TNR: variants seen among roughly 807,000 people sequenced by gnomAD.
TNR encodes tenascin-R.
In TNR, 45 loss-of-function variants were observed where a neutral mutation model predicts 150.4. That is an observed-to-expected ratio of 0.30 (90% confidence interval 0.24 to 0.38). The LOEUF is 0.38. Among genes scored for constraint, TNR ranks in the 10% least tolerant of loss-of-function variants. The pLI, the probability that TNR is intolerant of heterozygous loss-of-function variation, is 1.00. For missense variants in TNR, 1,544 were observed against 1,759.1 expected, an observed-to-expected ratio of 0.88 and a Z score of 2.19; for synonymous variants, 687 against 678.4, an observed-to-expected ratio of 1.01 and a Z score of -0.20.
intron 2 of TNR, among the ~76,000 whole-genome samples, chr1:175,495,047 A>G (rs1658427212): frequency 6.6e-6 from 1 of 152,120 alleles, no homozygotes. Context: ...GCACGGCTGC[A>G]TTCATTCATT....
At chr1:175,721,169 A>C (rs1024871115) in intron 1 of TNR, among the ~76,000 whole-genome samples, 1 of 152,162 alleles carries the variant, frequency 6.6e-6, no homozygotes, top group Non-Finnish European at 1.5e-5. Flanking sequence ...GGTGCTTCCT[A>C]ACTGCCCTCA....
At chr1:175,402,255 C>A (rs371776800) in intron 4 of TNR, among the ~76,000 whole-genome samples, 15 of 125,092 alleles carry the variant, frequency 1.2e-4, no homozygotes, top group African/African-American at 4.4e-4. Flanking sequence ...TGCAGTGAGC[C>A]GAGATTGCGC....
intron 1 of TNR, among the ~76,000 whole-genome samples, chr1:175,578,987 C>G (rs1035804868): frequency 6.6e-6 from 1 of 152,150 alleles, no homozygotes; most frequent in Non-Finnish European, 1.5e-5. Flanking sequence ...TTGCCTTGGC[C>G]ACAGTGCTAC....
rs1557858553 is a variant in TNR at position 175,315,811 on chromosome 1, C to CAT, written c.*7544_*7545dup. On this transcript the variant is annotated 3_prime_UTR_variant, in exon 23 of 23. Transcript: ENST00000367674. ...ATGTGTGCATGCATGTGTGTGTGTG[C>CAT]ATGTGTGTGTGTGTGTGTGTGTGTG... 1 of 89,098 alleles carries CAT rather than the reference C, an allele frequency of 1.1e-5. No individual in the cohort carries two copies. Among genetic ancestry groups the CAT allele is most frequent in the Non-Finnish European group, 2.2e-5 (1 of 45,262 alleles). The allele number at this position is 89,098 out of a possible 1,614,324, so 5.5% of individuals were successfully genotyped here.
intron 3 of TNR, 133 bp from the exon 4 acceptor site, chr1:175,403,749 G>C: frequency 1.4e-6 from 1 of 737,872 alleles, no homozygotes; most frequent in Non-Finnish European, 2.3e-6. Context: ...GCTCAACGTA[G>C]TTTGGTACAT....
At chr1:175,542,519 C>T (rs1251247432) in intron 1 of TNR, among the ~76,000 whole-genome samples, 1 of 152,188 alleles carries the variant, frequency 6.6e-6, no homozygotes, top group African/African-American at 2.4e-5. Context: ...CACTGCTTAT[C>T]CTATTGCTTG....
chr1:175,355,695 T>C, intron 16 of TNR, 62 bp from the exon 17 acceptor site: 6 of 1,604,772 alleles, frequency 3.7e-6, no homozygotes, highest in Non-Finnish European at 5.1e-6. Context: ...CTGCTTGATT[T>C]CAGGTATGGG....
Position 175,478,698 on chromosome 1 carries a change from C to G in TNR, c.-64+49571G>C, listed in dbSNP as rs74127308. Among the ~76,000 whole-genome samples the G allele has an allele frequency of 6.3e-3, 954 of 152,168 alleles. 9 individuals are homozygous for G. The highest frequency in any genetic ancestry group is 0.022 in the African/African-American group (909 of 41,482). ...AAGGAGGGACAATCCATGCCTGGCT[C>G]AGTTTCCTGCCACTGAGGAAAAGGA... On this transcript the variant is annotated intron_variant, in intron 2 of 22. Coordinates refer to ENST00000367674, the MANE Select transcript of TNR (RefSeq NM_003285.3).
At chr1:175,657,869 A>ATG (rs1284422118) in intron 1 of TNR, among the ~76,000 whole-genome samples, 1 of 125,286 alleles carries the variant, frequency 8.0e-6, no homozygotes, top group Non-Finnish European at 1.7e-5. Context: ...ATATATATAT[A>ATG]TATATATATA....
intron 1 of TNR, among the ~76,000 whole-genome samples, chr1:175,714,001 G>A (rs1241214146): frequency 6.6e-6 from 1 of 151,922 alleles, no homozygotes. Flanking sequence ...TGCTGGCCCT[G>A]CTCCTTCCTT....
chr1:175,394,959 T>C (rs1178401858), intron 5 of TNR, among the ~76,000 whole-genome samples: 1 of 152,116 alleles, frequency 6.6e-6, no homozygotes, highest in Non-Finnish European at 1.5e-5. Flanking sequence ...GGGTGGTGAC[T>C]CATCCCGGAG....
At chr1:175,663,010 G>A (rs2101897843) in intron 1 of TNR, among the ~76,000 whole-genome samples, 1 of 152,278 alleles carries the variant, frequency 6.6e-6, no homozygotes, top group South Asian at 2.1e-4. Flanking sequence ...TTTGTTGAAA[G>A]GATTACACGA....
At chr1:175,372,576 C>T (rs1231766013) in intron 9 of TNR, among the ~76,000 whole-genome samples, 2 of 152,230 alleles carry the variant, frequency 1.3e-5, no homozygotes, top group East Asian at 1.9e-4. Flanking sequence ...TTCTCACCTG[C>T]AGTGCAAGGA....
chr1:175,424,870 GA>G (rs1654904493), intron 2 of TNR, among the ~76,000 whole-genome samples: 2 of 152,056 alleles, frequency 1.3e-5, no homozygotes, highest in Non-Finnish European at 2.9e-5. Context: ...CACGTGCTCA[GA>G]AAGAGCTTCA....
chr1:175,393,909 A>G lies in TNR; in HGVS notation c.1241-14T>C. On this transcript the variant is annotated splice_polypyrimidine_tract_variant and intron_variant, in intron 5 of 22. Transcript: ENST00000367674. ...GAGTGGAGAGATCTGGAACACAGCA[A>G]TGTAGGTGACAATGTCATGGCTAAC... 1 of 1,590,122 alleles carries G rather than the reference A, an allele frequency of 6.3e-7. No homozygotes were observed. Among genetic ancestry groups the G allele is most frequent in the South Asian group, 1.1e-5 (1 of 90,604 alleles).
At chr1:175,394,548 T>C (rs1239731019) in intron 5 of TNR, among the ~76,000 whole-genome samples, 1 of 152,208 alleles carries the variant, frequency 6.6e-6, no homozygotes, top group East Asian at 1.9e-4. Flanking sequence ...CACAGTCACA[T>C]ACACATGCAC....
intron 1 of TNR, among the ~76,000 whole-genome samples, chr1:175,548,506 CCT>C (rs1473262441): frequency 2.6e-5 from 4 of 152,004 alleles, no homozygotes; most frequent in Non-Finnish European, 4.4e-5. Context: ...ACCACTCTCC[CCT>C]GTGTCAGTCT....
intron 2 of TNR, among the ~76,000 whole-genome samples, chr1:175,496,764 G>A (rs1323525297): frequency 6.6e-6 from 1 of 152,204 alleles, no homozygotes; most frequent in African/African-American, 2.4e-5. Flanking sequence ...CTAGTCTTCT[G>A]TGTTTTATAG....
At chr1:175,670,450 G>A (rs1314781009) in intron 1 of TNR, among the ~76,000 whole-genome samples, 1 of 152,204 alleles carries the variant, frequency 6.6e-6, no homozygotes, top group Admixed American at 6.5e-5. Context: ...TCCCATGTTG[G>A]CAATTTGTGA....
Sources: allele counts gnomAD v4.1 joint callset (sites outside exome capture counted in the v4.1 genomes callset), GRCh38; gene constraint gnomAD v4.1.1; transcripts MANE v1.5; gene names NCBI Gene and HGNC (gene_info 2026-07-23, HGNC 2026-07-21).